DTNBP1: variants seen among roughly 807,000 people sequenced by gnomAD.
The protein encoded by DTNBP1 is dystrobrevin binding protein 1.
In DTNBP1, 35 loss-of-function variants were observed where a neutral mutation model predicts 42.8. That is an observed-to-expected ratio of 0.82 (90% CI 0.63 to 1.09). The LOEUF (loss-of-function observed/expected upper bound fraction) is 1.09. DTNBP1 is among the 50% of genes least tolerant of loss of function. The pLI is 0.00. For synonymous variants in DTNBP1, 171 were observed against 162.2 expected, an observed-to-expected ratio of 1.05 and a Z score of -0.41; for missense variants, 457 against 424.2, an observed-to-expected ratio of 1.08 and a Z score of -0.68.
intron 7 of DTNBP1, among the ~76,000 whole-genome samples, chr6:15,544,460 T>C (rs1773759529): frequency 6.6e-6 from 1 of 152,224 alleles, no homozygotes. Context: ...GTAAGTTCAT[T>C]TTTCGGTTTT....
At chr6:15,647,041 A>T (rs756529115) in intron 3 of DTNBP1, among the ~76,000 whole-genome samples, 3 of 152,144 alleles carry the variant, frequency 2.0e-5, no homozygotes, top group Non-Finnish European at 4.4e-5. Flanking sequence ...CTGCGTAGCA[A>T]AAGAAACAAC....
intron 7 of DTNBP1, among the ~76,000 whole-genome samples, chr6:15,556,782 C>T (rs1337453349): frequency 3.3e-5 from 5 of 152,276 alleles, no homozygotes; most frequent in African/African-American, 1.2e-4. Flanking sequence ...TTCTCTCTCT[C>T]TCTTGCACCC....
Position 15,571,634 on chromosome 6 carries a change from G to A in DTNBP1, c.511+21425C>T, listed in dbSNP as rs147229835. Among the ~76,000 whole-genome samples the A allele has an allele frequency of 8.1e-3, 1,238 of 152,328 alleles. 13 individuals carry two copies. Among genetic ancestry groups the A allele is most frequent in the Non-Finnish European group, 0.013 (889 of 68,026 alleles). On this transcript the variant is annotated intron_variant, in intron 7 of 9. Transcript: ENST00000344537. ...GTCCAATGCATTACCTCTAGGCACTGTTCACTTCTGGCAGGCCTCCACTGG... is the reference window on the plus strand; with the variant it reads ...GTCCAATGCATTACCTCTAGGCACTATTCACTTCTGGCAGGCCTCCACTGG...
intron 7 of DTNBP1, among the ~76,000 whole-genome samples, chr6:15,535,661 A>G (rs1773183466): frequency 6.6e-6 from 1 of 152,154 alleles, no homozygotes; most frequent in African/African-American, 2.4e-5. Context: ...TAATGCAGCA[A>G]ATTGGTACTG....
At chr6:15,562,833 T>C (rs1213981516) in intron 7 of DTNBP1, among the ~76,000 whole-genome samples, 2 of 152,212 alleles carry the variant, frequency 1.3e-5, no homozygotes, top group African/African-American at 4.8e-5. Context: ...CAAGCTGCCA[T>C]CGTTTCTCAC....
At chr6:15,536,116 C>T (rs896970912) in intron 7 of DTNBP1, among the ~76,000 whole-genome samples, 3 of 152,266 alleles carry the variant, frequency 2.0e-5, no homozygotes, top group Middle Eastern at 3.4e-3. Flanking sequence ...GAACTTGGAG[C>T]TTATGTTTAC....
At chr6:15,566,450 T>TTA (rs1190145614) in intron 7 of DTNBP1, among the ~76,000 whole-genome samples, 4 of 151,970 alleles carry the variant, frequency 2.6e-5, no homozygotes, top group Non-Finnish European at 5.9e-5. Flanking sequence ...GCATGCCTCA[T>TTA]CATACCTTCT....
intron 7 of DTNBP1, among the ~76,000 whole-genome samples, chr6:15,579,622 T>G (rs1192241369): frequency 6.6e-6 from 1 of 152,122 alleles, no homozygotes; most frequent in African/African-American, 2.4e-5. Context: ...CTGGCCAACA[T>G]GGTGAAACCC....
At chr6:15,605,675 G>T (rs1359557726) in intron 6 of DTNBP1, among the ~76,000 whole-genome samples, 2 of 152,040 alleles carry the variant, frequency 1.3e-5, no homozygotes, top group African/African-American at 4.8e-5. Flanking sequence ...CCATGTAAAT[G>T]GTTTTAAGTT....
intron 7 of DTNBP1, among the ~76,000 whole-genome samples, chr6:15,562,765 A>C (rs1252859672): frequency 6.6e-6 from 1 of 152,212 alleles, no homozygotes; most frequent in African/African-American, 2.4e-5. Context: ...GCAGTATTAA[A>C]GGCAGGCAGA....
At chr6:15,561,871 T>C (rs757871891) in intron 7 of DTNBP1, among the ~76,000 whole-genome samples, 1 of 152,256 alleles carries the variant, frequency 6.6e-6, no homozygotes, top group Admixed American at 6.5e-5. Context: ...AGAATGGTGA[T>C]GGAAGGGACC....
At chr6:15,542,824 CGAGTAGCT>C (rs927358472) in intron 7 of DTNBP1, among the ~76,000 whole-genome samples, 7 of 151,864 alleles carry the variant, frequency 4.6e-5, no homozygotes, top group African/African-American at 1.7e-4. Context: ...CCCGAGTAGC[CGAGTAGCT>C]AAGACTACAG....
chr6:15,618,953 T>C (rs1274035086), intron 5 of DTNBP1, among the ~76,000 whole-genome samples: 14 of 152,202 alleles, frequency 9.2e-5, no homozygotes, highest in Admixed American at 8.5e-4. Flanking sequence ...GAGGACATTA[T>C]GTTAAGTGAA....
At chr6:15,633,524 G>C (rs1034053492) in intron 4 of DTNBP1, among the ~76,000 whole-genome samples, 4 of 152,186 alleles carry the variant, frequency 2.6e-5, no homozygotes, top group East Asian at 1.9e-4. Context: ...AAGAGAACTC[G>C]AATTAGAAGT....
chr6:15,619,341 T>G (rs1758909406), intron 5 of DTNBP1, among the ~76,000 whole-genome samples: 2 of 152,148 alleles, frequency 1.3e-5, no homozygotes, highest in South Asian at 4.1e-4. Context: ...CAATTATGTG[T>G]CAATTAAAAA....
chr6:15,656,139 T>G (rs1001432842), intron 1 of DTNBP1, among the ~76,000 whole-genome samples: 5 of 152,176 alleles, frequency 3.3e-5, no homozygotes, highest in Admixed American at 2.6e-4. Flanking sequence ...GTGATCCCCA[T>G]CAAGAAAGCC....
At chr6:15,649,420 A>G (rs1023707053) in intron 3 of DTNBP1, among the ~76,000 whole-genome samples, 20 of 152,216 alleles carry the variant, frequency 1.3e-4, no homozygotes, top group African/African-American at 4.6e-4. Flanking sequence ...AAAGTACTTT[A>G]TAATTGCACT....
At chr6:15,580,936 A>C (rs1213203588) in intron 7 of DTNBP1, among the ~76,000 whole-genome samples, 1 of 152,188 alleles carries the variant, frequency 6.6e-6, no homozygotes, top group East Asian at 1.9e-4. Flanking sequence ...TCTAGACAAG[A>C]ATGACCAGGA....
At chr6:15,658,067 T>C (rs777349591) in intron 1 of DTNBP1, among the ~76,000 whole-genome samples, 18 of 152,236 alleles carry the variant, frequency 1.2e-4, no homozygotes, top group Non-Finnish European at 2.5e-4. Flanking sequence ...GTCTAGGGCA[T>C]CTGGTGGACA....
Sources: allele counts gnomAD v4.1 joint callset (sites outside exome capture counted in the v4.1 genomes callset), GRCh38; gene constraint gnomAD v4.1.1; transcripts MANE v1.5; gene names NCBI Gene and HGNC (gene_info 2026-07-23, HGNC 2026-07-21).